DPY19L2: variants seen among roughly 807,000 people sequenced by gnomAD.
DPY19L2 encodes probable C-mannosyltransferase DPY19L2.
Under a neutral mutation model 97.9 loss-of-function variants are expected in DPY19L2, and 34 were observed. That is an observed-to-expected ratio of 0.35 (90% CI 0.26 to 0.46). The LOEUF is 0.46. Among genes scored for constraint, DPY19L2 ranks in the 20% least tolerant of loss-of-function variants. DPY19L2 has a pLI of 1.00. For missense variants in DPY19L2, 623 were observed against 911.4 expected, an observed-to-expected ratio of 0.68 and a Z score of 4.07; for synonymous variants, 230 against 307.9, an observed-to-expected ratio of 0.75 and a Z score of 2.65.
chr12:63,663,650 G>A, intron 3 of DPY19L2, 108 bp downstream of exon 3: 2 of 921,442 alleles, frequency 2.2e-6, no homozygotes, highest in South Asian at 3.3e-5. Flanking sequence ...TATAGCTTAT[G>A]AAACAGTGCA....
chr12:63,594,825 A>C (rs1231172386), intron 15 of DPY19L2, among the ~76,000 whole-genome samples: 3 of 152,158 alleles, frequency 2.0e-5, no homozygotes, highest in Non-Finnish European at 2.9e-5. Context: ...CTCTCCGCTG[A>C]ATAGTTAATT....
intron 1 of DPY19L2, among the ~76,000 whole-genome samples, chr12:63,667,077 T>G (rs1419068455): frequency 2.0e-5 from 3 of 152,200 alleles, no homozygotes; most frequent in African/African-American, 4.8e-5. Flanking sequence ...TATACCAGGA[T>G]AGGCAAAGTA....
chr12:63,632,053 T>C (rs1387219320), intron 6 of DPY19L2, among the ~76,000 whole-genome samples: 1 of 152,152 alleles, frequency 6.6e-6, no homozygotes, highest in Non-Finnish European at 1.5e-5. Flanking sequence ...TAGGTATTGA[T>C]GGGACATATC....
At chr12:63,636,407 G>A (rs1322132809) in intron 6 of DPY19L2, among the ~76,000 whole-genome samples, 1 of 152,056 alleles carries the variant, frequency 6.6e-6, no homozygotes, top group Non-Finnish European at 1.5e-5. Context: ...ATAACAACAG[G>A]ATCAAATTCA....
chr12:63,572,544 C>A (rs2137299024), intron 19 of DPY19L2, among the ~76,000 whole-genome samples: 1 of 152,166 alleles, frequency 6.6e-6, no homozygotes, highest in East Asian at 1.9e-4. Flanking sequence ...TGCTTTGCCA[C>A]CTGCTGACTG....
intron 6 of DPY19L2, among the ~76,000 whole-genome samples, chr12:63,641,126 G>A (rs946235738): frequency 2.0e-5 from 3 of 151,978 alleles, no homozygotes; most frequent in African/African-American, 7.3e-5. Context: ...GGTTGGTCTC[G>A]ATCTCCTGAC....
chr12:63,636,590 A>G (rs1227972190), intron 6 of DPY19L2, among the ~76,000 whole-genome samples: 1 of 152,160 alleles, frequency 6.6e-6, no homozygotes, highest in East Asian at 1.9e-4. Context: ...AGATCTACCA[A>G]GCAAACAGAA....
chr12:63,573,147 C>A (rs1879188457), intron 19 of DPY19L2, among the ~76,000 whole-genome samples: 1 of 151,934 alleles, frequency 6.6e-6, no homozygotes, highest in African/African-American at 2.4e-5. Flanking sequence ...AGATATGTGG[C>A]CTTTCAGACA....
chr12:63,649,365 T>C (rs1169697971), intron 4 of DPY19L2, among the ~76,000 whole-genome samples: 2 of 151,726 alleles, frequency 1.3e-5, no homozygotes, highest in East Asian at 1.9e-4. Flanking sequence ...CAAAACACCA[T>C]ACAAAAGATC....
At chr12:63,589,883 C>T (rs149562882) in intron 16 of DPY19L2, among the ~76,000 whole-genome samples, 1 of 152,134 alleles carries the variant, frequency 6.6e-6, no homozygotes, top group African/African-American at 2.4e-5. Flanking sequence ...AATCCCAGCA[C>T]TTTGGCAGGC....
At chr12:63,603,461 A>T (rs1442265577) in intron 12 of DPY19L2, among the ~76,000 whole-genome samples, 1 of 152,058 alleles carries the variant, frequency 6.6e-6, no homozygotes, top group Non-Finnish European at 1.5e-5. Context: ...GCACCTATCA[A>T]CCCATTACCT....
At chr12:63,563,541 T>A (rs140342762) in intron 21 of DPY19L2, among the ~76,000 whole-genome samples, 102 of 152,328 alleles carry the variant, frequency 6.7e-4, no homozygotes, top group African/African-American at 2.3e-3. Context: ...TTTTTCAGTT[T>A]GTTACTATGG....
At chr12:63,609,310 T>C (rs1592554270) in intron 11 of DPY19L2, among the ~76,000 whole-genome samples, 1 of 152,086 alleles carries the variant, frequency 6.6e-6, no homozygotes, top group East Asian at 1.9e-4. Flanking sequence ...TACATAAAGC[T>C]AGGGTCCTCA....
At chr12:63,635,095 T>C (rs1891418392) in intron 6 of DPY19L2, among the ~76,000 whole-genome samples, 1 of 152,190 alleles carries the variant, frequency 6.6e-6, no homozygotes, top group Non-Finnish European at 1.5e-5. Context: ...TCCAGAGGAA[T>C]GATCAGGCAG....
chr12:63,577,167 A>G (rs1880006777), intron 19 of DPY19L2, among the ~76,000 whole-genome samples: 3 of 152,214 alleles, frequency 2.0e-5, no homozygotes, highest in African/African-American at 7.2e-5. Context: ...CAGCAGTCCC[A>G]AAAACATACA....
At chr12:63,578,957 T>C (rs1254746418) in intron 19 of DPY19L2, among the ~76,000 whole-genome samples, 2 of 151,818 alleles carry the variant, frequency 1.3e-5, no homozygotes, top group African/African-American at 2.4e-5. Flanking sequence ...TGTGCTAAGG[T>C]TGGGAAATGC....
chr12:63,642,475 C>T (rs1369641754), intron 6 of DPY19L2, among the ~76,000 whole-genome samples: 1 of 151,850 alleles, frequency 6.6e-6, no homozygotes, highest in East Asian at 1.9e-4. Flanking sequence ...GTGTTTAATC[C>T]AACTTGGATG....
Position 63,647,991 on chromosome 12 carries a change from G to A in DPY19L2, c.589-626C>T, listed in dbSNP as rs1893656661. Among the ~76,000 whole-genome samples, 5 of 152,078 alleles carry A rather than the reference G, an allele frequency of 3.3e-5. No individual in the cohort carries two copies. The South Asian group carries it at 8.3e-4, about 25-fold the overall frequency. ...AAAATTCAGGTATTGAAACTTAATG[G>A]CCAATGTGATAGTATTAAGAGATGG... On this transcript the variant is annotated intron_variant, in intron 4 of 21. Coordinates refer to ENST00000324472, the MANE Select transcript of DPY19L2 (RefSeq NM_173812.5).
chr12:63,567,332 T>A (rs1431461125), intron 21 of DPY19L2, among the ~76,000 whole-genome samples: 2 of 152,042 alleles, frequency 1.3e-5, no homozygotes, highest in Admixed American at 1.3e-4. Flanking sequence ...TATGCTCTTT[T>A]TTTCCCCACT....
Sources: allele counts gnomAD v4.1 joint callset (sites outside exome capture counted in the v4.1 genomes callset), GRCh38; gene constraint gnomAD v4.1.1; transcripts MANE v1.5; gene names NCBI Gene and HGNC (gene_info 2026-07-23, HGNC 2026-07-21).